Variants in CDH23 observed in about 807,000 individuals in gnomAD.
CDH23 encodes the protein cadherin-23.
CDH23 carries 189 observed loss-of-function variants against 317.1 expected under a neutral mutation model. The ratio of observed to expected loss-of-function variants is 0.60; its 90% CI spans 0.53 to 0.67. The LOEUF (loss-of-function observed/expected upper bound fraction) is 0.67. Ranked by LOEUF, CDH23 falls within the 30% of genes least tolerant of loss-of-function variation. The pLI is 0.00. For synonymous variants in CDH23, 1,839 were observed against 1,876.8 expected, an observed-to-expected ratio of 0.98 and a Z score of 0.52; for missense variants, 4,401 against 4,592.4, an observed-to-expected ratio of 0.96 and a Z score of 1.20.
At chr10:71,564,254 ACAAGCCCC>A (rs1432173803) in intron 6 of CDH23, among the ~76,000 whole-genome samples, 1 of 152,186 alleles carries the variant, frequency 6.6e-6, no homozygotes, top group Non-Finnish European at 1.5e-5. Context: ...GGGTGTTCAG[ACAAGCCCC>A]CAGTGTATGT....
At chr10:71,799,428 G>A in intron 51 of CDH23, 64 bp from the exon 52 acceptor site, 1 of 1,611,472 alleles carries the variant, frequency 6.2e-7, no homozygotes, top group Non-Finnish European at 8.5e-7. Context: ...GTGAGTTCTA[G>A]GGCTGTGCTC....
chr10:71,794,920 GA>G (rs1206062423), intron 48 of CDH23, among the ~76,000 whole-genome samples: 1 of 152,170 alleles, frequency 6.6e-6, no homozygotes, highest in Non-Finnish European at 1.5e-5. Context: ...GGAGACTGAA[GA>G]GTAAAATATC....
chr10:71,505,930 A>G (rs1046812459), intron 3 of CDH23, among the ~76,000 whole-genome samples: 5 of 152,378 alleles, frequency 3.3e-5, no homozygotes. Context: ...AAACTTGTAC[A>G]TAAATGTTCA....
intron 3 of CDH23, among the ~76,000 whole-genome samples, chr10:71,471,813 A>G (rs1851530077): frequency 6.6e-6 from 1 of 151,886 alleles, no homozygotes; most frequent in Non-Finnish European, 1.5e-5. Flanking sequence ...CTCTTCCCGG[A>G]AGCTTTGCTG....
chr10:71,509,935 G>A lies in CDH23; in HGVS notation c.146-147G>A, dbSNP rs7901859. The A allele has an allele frequency of 0.014, 11,388 of 794,222 alleles. 920 individuals carry two copies. In the African/African-American group the frequency reaches 0.17, roughly 12 times the overall value. The allele number at this position is 794,222 out of a possible 1,614,324, so 49.2% of individuals were successfully genotyped here. The stretch of plus-strand genomic sequence containing the variant: ...GGTACCTGGATCAGAGCTCCCAGAT[G>A]CGCCAGGGCCTTGTGATGATCTGTG... On this transcript the variant is annotated intron_variant, in intron 3 of 69. Transcript: ENST00000224721.
At chr10:71,741,623 A>T in intron 37 of CDH23, 71 bp from the exon 38 acceptor site, 1 of 1,364,276 alleles carries the variant, frequency 7.3e-7, no homozygotes, top group Non-Finnish European at 1.0e-6. Flanking sequence ...CCTTCGGGCT[A>T]CAGGAGCAGG....
At chr10:71,777,927 A>C in intron 39 of CDH23, 26 bp downstream of exon 39, 1 of 1,611,886 alleles carries the variant, frequency 6.2e-7, no homozygotes, top group Non-Finnish European at 8.5e-7. Context: ...CAGGATCAAG[A>C]CAAGGGGCGA....
intron 11 of CDH23, among the ~76,000 whole-genome samples, chr10:71,642,654 C>T (rs988938992): frequency 7.2e-5 from 11 of 152,156 alleles, no homozygotes; most frequent in African/African-American, 2.7e-4. Context: ...CCCACCTCCG[C>T]TTCCCGACGT....
intron 41 of CDH23, among the ~76,000 whole-genome samples, chr10:71,779,833 GC>G (rs1840909082): frequency 6.6e-6 from 1 of 152,236 alleles, no homozygotes; most frequent in Admixed American, 6.5e-5. Context: ...CCAAGGGAGC[GC>G]CTGGCTTGCT....
At chr10:71,675,041 C>A in intron 14 of CDH23, 71 bp from the exon 15 acceptor site, 1 of 1,399,616 alleles carries the variant, frequency 7.1e-7, no homozygotes, top group Non-Finnish European at 1.0e-6. Flanking sequence ...GCGAGAGGAA[C>A]ATGGGTTTCC....
intron 3 of CDH23, among the ~76,000 whole-genome samples, chr10:71,465,421 C>T (rs1330767307): frequency 2.0e-5 from 3 of 152,242 alleles, no homozygotes; most frequent in Non-Finnish European, 2.9e-5. Flanking sequence ...TCTCTAGCCA[C>T]GAGGCATTTG....
chr10:71,570,746 AC>A (rs1481569061), intron 7 of CDH23, 43 bp from the exon 8 acceptor site: 1 of 1,565,826 alleles, frequency 6.4e-7, no homozygotes, highest in Non-Finnish European at 8.7e-7. Flanking sequence ...GAGTGTCCCC[AC>A]CATCACTCAA....
At chr10:71,613,299 A>G (rs1177928509) in intron 9 of CDH23, among the ~76,000 whole-genome samples, 1 of 151,848 alleles carries the variant, frequency 6.6e-6, no homozygotes, top group African/African-American at 2.4e-5. Context: ...TGTCCCCCCA[A>G]CTCCCCACTA....
intron 9 of CDH23, among the ~76,000 whole-genome samples, chr10:71,594,621 C>T (rs753407213): frequency 6.6e-6 from 1 of 152,194 alleles, no homozygotes; most frequent in Non-Finnish European, 1.5e-5. Context: ...GGTCTCTGCC[C>T]GCCTTGGCCT....
intron 3 of CDH23, among the ~76,000 whole-genome samples, chr10:71,456,761 C>T (rs1372327647): frequency 1.3e-5 from 2 of 152,220 alleles, no homozygotes; most frequent in African/African-American, 2.4e-5. Context: ...CACATTGCTT[C>T]GTTGAATTCT....
chr10:71,590,887 CAAAA>C (rs761301469), intron 9 of CDH23, among the ~76,000 whole-genome samples: 1 of 92,746 alleles, frequency 1.1e-5, no homozygotes, highest in Non-Finnish European at 2.0e-5. Context: ...AAAAAAAAAA[CAAAA>C]AAAAACAAAA....
At chr10:71,638,811 TAG>T (rs1862394662) in intron 11 of CDH23, among the ~76,000 whole-genome samples, 1 of 152,150 alleles carries the variant, frequency 6.6e-6, no homozygotes, top group Non-Finnish European at 1.5e-5. Flanking sequence ...CTGGGAGCCT[TAG>T]AGAGACTAGG....
At chr10:71,528,801 G>C (rs1855192097) in intron 6 of CDH23, among the ~76,000 whole-genome samples, 1 of 152,140 alleles carries the variant, frequency 6.6e-6, no homozygotes, top group African/African-American at 2.4e-5. Context: ...GCCAGGCTGG[G>C]CCTCCGCCCA....
intron 38 of CDH23, among the ~76,000 whole-genome samples, chr10:71,766,384 G>A (rs1042903399): frequency 3.3e-5 from 5 of 152,298 alleles, no homozygotes; most frequent in Non-Finnish European, 7.4e-5. Context: ...CCTGCCACCA[G>A]GTAAGGAGGC....
Sources: allele counts gnomAD v4.1 joint callset (sites outside exome capture counted in the v4.1 genomes callset), GRCh38; gene constraint gnomAD v4.1.1; transcripts MANE v1.5; gene names NCBI Gene and HGNC (gene_info 2026-07-23, HGNC 2026-07-21).